Variants in CSPP1 observed in about 807,000 individuals in gnomAD.
CSPP1 encodes the protein centrosome and spindle pole-associated protein 1.
CSPP1 carries 126 observed loss-of-function variants against 164.4 expected under a neutral mutation model. That is an observed-to-expected ratio of 0.77 (90% CI 0.66 to 0.89). CSPP1 has a LOEUF of 0.89. Ranked by LOEUF, CSPP1 falls within the 40% of genes least tolerant of loss-of-function variation. CSPP1 has a pLI of 0.00. For missense variants in CSPP1, 1,395 were observed against 1,449.8 expected, an observed-to-expected ratio of 0.96 and a Z score of 0.61; for synonymous variants, 472 against 476.7, an observed-to-expected ratio of 0.99 and a Z score of 0.13.
intron 3 of CSPP1, among the ~76,000 whole-genome samples, chr8:67,078,687 C>T (rs146229757): frequency 2.0e-5 from 3 of 148,468 alleles, no homozygotes; most frequent in South Asian, 4.8e-4. Flanking sequence ...AGTAGTTTTT[C>T]GGGCTGGGCG....
At chr8:67,115,302 T>G (rs1282822527) in intron 12 of CSPP1, 1 of 152,276 alleles carries the variant, frequency 6.6e-6, no homozygotes, top group Non-Finnish European at 1.5e-5. Context: ...AGTCTTTGCT[T>G]AATTATTTAC....
chr8:67,157,002 C>T (rs951707944), intron 19 of CSPP1, among the ~76,000 whole-genome samples: 2 of 152,076 alleles, frequency 1.3e-5, no homozygotes, highest in African/African-American at 4.8e-5. Flanking sequence ...GTGTATGATC[C>T]ATTAATAGCT....
Position 67,190,767 on chromosome 8 carries a change from TGA to T in CSPP1, c.3330+11_3330+12del. 3.2e-6 allele frequency: 5 copies of T among 1,584,552 alleles called. No individual in the cohort carries two copies. Among genetic ancestry groups the T allele is most frequent in the Non-Finnish European group, 4.3e-6 (5 of 1,152,970 alleles). On this transcript the variant is annotated intron_variant, in intron 29 of 30. Transcript: ENST00000678616. ...TGGAAAGGACTAGACATTGTATGTA[TGA>T]GACTTTTCTCCCCCTTTTCAACTTA...
At chr8:67,137,647 T>C in intron 17 of CSPP1, 44 bp downstream of exon 17, 1 of 1,328,122 alleles carries the variant, frequency 7.5e-7, no homozygotes, top group Non-Finnish European at 1.0e-6. Flanking sequence ...AGCTAAATTA[T>C]TTTTAACTTT....
intron 15 of CSPP1, 38 bp downstream of exon 15, chr8:67,118,859 T>G: frequency 7.1e-7 from 1 of 1,412,412 alleles, no homozygotes; most frequent in Non-Finnish European, 1.0e-6. Flanking sequence ...TTTCCCCACT[T>G]TTATTTTGTT....
At chr8:67,185,799 C>A (rs2129573841) in intron 28 of CSPP1, among the ~76,000 whole-genome samples, 1 of 152,172 alleles carries the variant, frequency 6.6e-6, no homozygotes, top group East Asian at 1.9e-4. Context: ...GTGAAGAAAT[C>A]TATACAAGAT....
At chr8:67,128,489 A>G (rs577543210) in intron 15 of CSPP1, among the ~76,000 whole-genome samples, 5 of 151,634 alleles carry the variant, frequency 3.3e-5, no homozygotes, top group East Asian at 2.0e-4. Flanking sequence ...CAGTGAGCCA[A>G]GATCACGCCA....
chr8:67,086,905 C>T (rs1257289856), intron 4 of CSPP1: 17 of 810,158 alleles, frequency 2.1e-5, no homozygotes, highest in Admixed American at 8.2e-5. Context: ...TTTTTTTTTA[C>T]GATCTAGAAG....
In CSPP1 at chr8:67,159,916, CTTTCT is replaced by C. The variant is rs1827685367; in HGVS notation, c.2538+782_2538+786del. ...TCTTTCTTTCTTTCTTTCTTTCTTT[CTTTCT>C]TTCCTTTCCTTCCTTCCTTCCTTCC... On this transcript the variant is annotated intron_variant, in intron 21 of 30. Coordinates refer to ENST00000678616, the MANE Select transcript of CSPP1 (RefSeq NM_001382391.1). 7.7e-5 allele frequency among the ~76,000 whole-genome samples: 4 copies of C among 52,246 alleles called. 1 individual carries two copies. Among genetic ancestry groups the C allele is most frequent in the African/African-American group, 3.6e-4 (4 of 11,154 alleles). The allele number at this position is 52,246 out of a possible 152,430, so 34.3% of individuals were successfully genotyped here.
intron 19 of CSPP1, chr8:67,157,765 A>G (rs1019541750): frequency 1.3e-5 from 2 of 152,194 alleles, no homozygotes; most frequent in African/African-American, 4.8e-5. Context: ...CGTGTGGACT[A>G]TCTATCTCTT....
At chr8:67,098,727 T>A (rs542042263) in intron 7 of CSPP1, among the ~76,000 whole-genome samples, 3 of 152,160 alleles carry the variant, frequency 2.0e-5, no homozygotes, top group African/African-American at 7.2e-5. Context: ...CTAGTCTTAT[T>A]TATTAACTTG....
intron 30 of CSPP1, among the ~76,000 whole-genome samples, chr8:67,194,535 G>A (rs757937549): frequency 6.6e-6 from 1 of 152,056 alleles, no homozygotes; most frequent in Non-Finnish European, 1.5e-5. Flanking sequence ...ATATTTAACA[G>A]GAATATATTT....
chr8:67,089,508 A>C (rs1396005768), intron 4 of CSPP1, among the ~76,000 whole-genome samples: 1 of 152,190 alleles, frequency 6.6e-6, no homozygotes, highest in East Asian at 1.9e-4. Flanking sequence ...ATAAACCTGC[A>C]CTATCCGTAG....
chr8:67,067,774 T>C (rs1309031716), intron 1 of CSPP1, among the ~76,000 whole-genome samples: 3 of 152,194 alleles, frequency 2.0e-5, no homozygotes, highest in Non-Finnish European at 4.4e-5. Context: ...CAGGCTCTGT[T>C]TTTAAGAGGT....
intron 28 of CSPP1, among the ~76,000 whole-genome samples, chr8:67,180,432 G>C (rs1304705753): frequency 6.6e-6 from 1 of 152,216 alleles, no homozygotes; most frequent in Non-Finnish European, 1.5e-5. Context: ...CAGGGGTTGA[G>C]GGATAGGGAG....
At chr8:67,083,511 AAC>A (rs1171841880) in intron 3 of CSPP1, among the ~76,000 whole-genome samples, 1 of 139,750 alleles carries the variant, frequency 7.2e-6, no homozygotes, top group African/African-American at 2.7e-5. Context: ...CAGCCTGGGC[AAC>A]AGAGTGAGAC....
At chr8:67,127,596 G>T (rs972204925) in intron 15 of CSPP1, among the ~76,000 whole-genome samples, 1 of 152,124 alleles carries the variant, frequency 6.6e-6, no homozygotes, top group Non-Finnish European at 1.5e-5. Context: ...TTAAAAAGTT[G>T]GTTTTGACAA....
intron 9 of CSPP1, among the ~76,000 whole-genome samples, 164 bp downstream of exon 9, chr8:67,106,139 AG>A (rs1202081802): frequency 6.6e-6 from 1 of 152,116 alleles, no homozygotes; most frequent in East Asian, 1.9e-4. Context: ...TAACATATAT[AG>A]CTCTGTATAA....
At chr8:67,076,677 T>G in intron 3 of CSPP1, 96 bp downstream of exon 3, 2 of 634,542 alleles carry the variant, frequency 3.2e-6, no homozygotes, top group South Asian at 4.9e-5. Flanking sequence ...TTATTTGGAA[T>G]CCTAGTAGTT....
Sources: allele counts gnomAD v4.1 joint callset (sites outside exome capture counted in the v4.1 genomes callset), GRCh38; gene constraint gnomAD v4.1.1; transcripts MANE v1.5; gene names NCBI Gene and HGNC (gene_info 2026-07-23, HGNC 2026-07-21).